The following VWC2L variants were observed in gnomAD, a reference collection of about 807,000 sequenced individuals.
The protein encoded by VWC2L is von Willebrand factor C domain containing 2 like, also known as von Willebrand factor C domain-containing protein 2-like.
VWC2L carries 10 observed loss-of-function variants against 21.6 expected under a neutral mutation model. The ratio of observed to expected loss-of-function variants is 0.46; its 90% CI spans 0.29 to 0.78. The LOEUF is 0.78. Among genes scored for constraint, VWC2L ranks in the 30% least tolerant of loss-of-function variants. The probability of loss-of-function intolerance (pLI) is 0.10; values close to 1 mark genes in which losing one functional copy is unlikely to be tolerated. For missense variants in VWC2L, 209 were observed against 277.1 expected (o/e 0.75, Z 1.74); for synonymous variants, 96 against 94.3 (o/e 1.02, Z -0.10).
chr2:214,560,985 A>G (rs1440613842), intron 3 of VWC2L, among the ~76,000 whole-genome samples: 3 of 152,218 alleles, frequency 2.0e-5, no homozygotes, highest in East Asian at 1.9e-4. Flanking sequence ...GATAAGCTCC[A>G]TATATTTTGA....
intron 3 of VWC2L, among the ~76,000 whole-genome samples, chr2:214,505,632 C>A (rs35058259): frequency 0.34 from 52,385 of 151,950 alleles, 10,458 homozygotes; most frequent in South Asian, 0.47. Context: ...TTAAGAAATT[C>A]ATTGGCATTG....
At chr2:214,444,200 G>A (rs563112125) in intron 3 of VWC2L, among the ~76,000 whole-genome samples, 14 of 152,098 alleles carry the variant, frequency 9.2e-5, no homozygotes, top group Admixed American at 3.3e-4. Context: ...CAGGTTTGTA[G>A]AACAAACTGT....
chr2:214,554,307 C>A (rs142232150), intron 3 of VWC2L, among the ~76,000 whole-genome samples: 1 of 152,262 alleles, frequency 6.6e-6, no homozygotes, highest in Non-Finnish European at 1.5e-5. Flanking sequence ...ACTGAATGAA[C>A]CCCCTTCTCA....
intron 3 of VWC2L, 76 bp downstream of exon 3, chr2:214,436,834 A>G: frequency 1.3e-6 from 2 of 1,541,468 alleles, no homozygotes; most frequent in Non-Finnish European, 1.8e-6. Flanking sequence ...ATACCATTCA[A>G]TGCAAGACCC....
intron 3 of VWC2L, among the ~76,000 whole-genome samples, chr2:214,539,697 A>C (rs13386380): frequency 0.26 from 39,947 of 151,988 alleles, 5,535 homozygotes; most frequent in East Asian, 0.48. Flanking sequence ...ATTAGATTGC[A>C]TAAACTTTTA....
At chr2:214,497,388 T>C (rs1048897222) in intron 3 of VWC2L, among the ~76,000 whole-genome samples, 4 of 152,218 alleles carry the variant, frequency 2.6e-5, no homozygotes, top group Non-Finnish European at 5.9e-5. Context: ...ATTCAAACTA[T>C]CCTCTCTTGC....
intron 3 of VWC2L, among the ~76,000 whole-genome samples, chr2:214,482,331 C>T (rs531924485): frequency 1.5e-4 from 23 of 152,220 alleles, no homozygotes; most frequent in African/African-American, 4.8e-4. Context: ...TCCTAAAACA[C>T]GCTACTCAAT....
chr2:214,547,804 G>A (rs1051994404), intron 3 of VWC2L, among the ~76,000 whole-genome samples: 9 of 152,146 alleles, frequency 5.9e-5, no homozygotes, highest in Admixed American at 3.9e-4. Flanking sequence ...ACAGCCTTGC[G>A]ATGACTTTAT....
chr2:214,492,721 A>AT (rs1011956126), intron 3 of VWC2L, among the ~76,000 whole-genome samples: 15 of 152,120 alleles, frequency 9.9e-5, no homozygotes, highest in Non-Finnish European at 1.8e-4. Flanking sequence ...TTAAACAATC[A>AT]TTTTTTTTCT....
Position 214,414,234 on chromosome 2 carries a change from T to C in VWC2L, c.41T>C (p.Val14Ala). Residue 14 changes from valine to alanine, a missense_variant, in exon 2 of 4, where the codon GTC becomes GCC. Transcript: ENST00000312504. ...CATGAAGCTTGCATACTTCTGTTGG[T>C]CATCCCTGGATTGGTCACCTCTGCT... ...HIHEACILLL[V>A]IPGLVTSAAI... 1 of 1,612,988 alleles carries C rather than the reference T, an allele frequency of 6.2e-7. No homozygotes were observed. Among genetic ancestry groups the C allele is most frequent in the South Asian group, 1.1e-5 (1 of 90,868 alleles).
chr2:214,568,056 G>C (rs189865341), intron 3 of VWC2L, among the ~76,000 whole-genome samples: 1 of 152,148 alleles, frequency 6.6e-6, no homozygotes, highest in Admixed American at 6.6e-5. Flanking sequence ...CCGAGGAAAC[G>C]GAATGTGAGG....
chr2:214,510,722 G>C (rs774959213), intron 3 of VWC2L, among the ~76,000 whole-genome samples: 3 of 152,122 alleles, frequency 2.0e-5, no homozygotes, highest in Non-Finnish European at 2.9e-5. Flanking sequence ...TATACACACA[G>C]AGTGTATTGC....
At chr2:214,413,681 A>G (rs1256559295) in intron 1 of VWC2L, among the ~76,000 whole-genome samples, 1 of 152,072 alleles carries the variant, frequency 6.6e-6, no homozygotes, top group Non-Finnish European at 1.5e-5. Context: ...TTTTTTTCTC[A>G]CTAATCTCTT....
At chr2:214,536,127 T>C (rs1689525010) in intron 3 of VWC2L, among the ~76,000 whole-genome samples, 1 of 152,170 alleles carries the variant, frequency 6.6e-6, no homozygotes, top group African/African-American at 2.4e-5. Flanking sequence ...GCATATTGCA[T>C]GGCACATAGT....
At chr2:214,436,327 A>G in intron 2 of VWC2L, 1 of 238,694 alleles carries the variant, frequency 4.2e-6, no homozygotes, top group Non-Finnish European at 8.4e-6. Context: ...TCTGGAAAAC[A>G]AACCAGGAGA....
At chr2:214,517,802 T>C (rs1165054078) in intron 3 of VWC2L, among the ~76,000 whole-genome samples, 1 of 152,202 alleles carries the variant, frequency 6.6e-6, no homozygotes, top group Non-Finnish European at 1.5e-5. Context: ...AAAGTACTAC[T>C]TAAGAGACTG....
intron 3 of VWC2L, among the ~76,000 whole-genome samples, chr2:214,514,038 G>A (rs1029618737): frequency 4.6e-5 from 7 of 152,076 alleles, no homozygotes; most frequent in Non-Finnish European, 1.0e-4. Context: ...TATTTATAAT[G>A]AGAACTGATT....
rs1702271954 is a variant in VWC2L, at chr2:214,411,655, C to T, written c.-212C>T. The T allele has an allele frequency of 1.3e-5, 2 of 152,082 alleles. No homozygotes were observed. Among genetic ancestry groups the T allele is most frequent in the Non-Finnish European group, 2.9e-5 (2 of 68,018 alleles). The allele number at this position is 152,082 out of a possible 1,614,324, so 9.4% of individuals were successfully genotyped here. The stretch of plus-strand genomic sequence containing the variant: ...AATGGGAGGTAGAGAGAATGGATTG[C>T]CTTTAATTCATGCCTAAAAAATGTA... On this transcript the variant is annotated 5_prime_UTR_variant, in exon 1 of 4. Transcript: ENST00000312504.
At chr2:214,430,863 CTCAG>C (rs774246396) in intron 2 of VWC2L, among the ~76,000 whole-genome samples, 48 of 152,152 alleles carry the variant, frequency 3.2e-4, no homozygotes, top group Middle Eastern at 3.4e-3. Context: ...TATTTGCTTC[CTCAG>C]TATTAAAATT....
Sources: gnomAD v4.1 joint callset for allele counts (sites outside exome capture counted in the v4.1 genomes callset) on GRCh38, gnomAD v4.1.1 for gene constraint, MANE v1.5 for transcripts, NCBI Gene and HGNC (gene_info 2026-07-23, HGNC 2026-07-21) for gene names.